The following ARHGAP10 variants were observed in gnomAD, a reference collection of about 807,000 sequenced individuals.
The protein encoded by ARHGAP10 is Rho GTPase activating protein 10, also known as rho GTPase-activating protein 10.
Under a neutral mutation model 108.6 loss-of-function variants are expected in ARHGAP10, and 87 were observed. The observed-to-expected ratio is 0.80, with a 90% confidence interval of 0.67 to 0.96. The LOEUF is 0.96. Among genes scored for constraint, ARHGAP10 ranks in the 40% least tolerant of loss-of-function variants. The pLI, the probability that ARHGAP10 is intolerant of heterozygous loss-of-function variation, is 0.00. For synonymous variants in ARHGAP10, 347 were observed against 341.1 expected, an observed-to-expected ratio of 1.02 and a Z score of -0.19; for missense variants, 939 against 954.5, an observed-to-expected ratio of 0.98 and a Z score of 0.21.
At chr4:147,874,215 CCA>C (rs976407608) in intron 7 of ARHGAP10, among the ~76,000 whole-genome samples, 1 of 152,198 alleles carries the variant, frequency 6.6e-6, no homozygotes, top group African/African-American at 2.4e-5. Flanking sequence ...CTCAGTTCCT[CCA>C]CAGTTTCACA....
At chr4:147,857,496 A>C in intron 4 of ARHGAP10, 57 bp from the exon 5 acceptor site, 1 of 1,362,126 alleles carries the variant, frequency 7.3e-7, no homozygotes, top group East Asian at 2.9e-5. Context: ...TTCCCAGTGG[A>C]TTAACCATGT....
At chr4:147,901,233 C>G (rs1399583752) in intron 10 of ARHGAP10, among the ~76,000 whole-genome samples, 1 of 152,152 alleles carries the variant, frequency 6.6e-6, no homozygotes, top group Admixed American at 6.5e-5. Flanking sequence ...CATGTTCTAG[C>G]AAACGTTTTA....
chr4:147,887,865 A>C (rs1251244256), intron 10 of ARHGAP10, among the ~76,000 whole-genome samples: 1 of 151,736 alleles, frequency 6.6e-6, no homozygotes, highest in Non-Finnish European at 1.5e-5. Flanking sequence ...CCATCTCAAA[A>C]AAAAAAAAAA....
chr4:147,816,689 A>C (rs2126779077), intron 1 of ARHGAP10, among the ~76,000 whole-genome samples: 1 of 152,318 alleles, frequency 6.6e-6, no homozygotes. Flanking sequence ...AAAATGAGTT[A>C]GTTATTTGCT....
chr4:148,029,718 G>A (rs577844937), intron 19 of ARHGAP10, among the ~76,000 whole-genome samples: 1 of 152,238 alleles, frequency 6.6e-6, no homozygotes, highest in East Asian at 1.9e-4. Flanking sequence ...AACTTCCCAA[G>A]CCCAGAAGCC....
intron 13 of ARHGAP10, among the ~76,000 whole-genome samples, chr4:147,924,372 CTT>C (rs1212421875): frequency 6.6e-6 from 1 of 152,072 alleles, no homozygotes; most frequent in African/African-American, 2.4e-5. Flanking sequence ...CTTCTTTTCT[CTT>C]TGTTACCTAT....
At chr4:147,791,003 T>C (rs1731094465) in intron 1 of ARHGAP10, among the ~76,000 whole-genome samples, 1 of 152,180 alleles carries the variant, frequency 6.6e-6, no homozygotes, top group African/African-American at 2.4e-5. Context: ...ACATATGTTT[T>C]TATATGTGTA....
In ARHGAP10 at chr4:147,798,770, TC is replaced by T. The variant is rs1731445464; in HGVS notation, c.155-23956del. Among the ~76,000 whole-genome samples, 2 of 7,822 alleles carry T rather than the reference TC, an allele frequency of 2.6e-4. 1 individual carries two copies. Among genetic ancestry groups the T allele is most frequent in the Admixed American group, 7.6e-3 (2 of 262 alleles). The allele number at this position is 7,822 out of a possible 152,430, so 5.1% of individuals were successfully genotyped here. ...CTCTCTCTCTCTCTCTCTCTCTCTC[TC>T]TCTCTCTCTCTATATATATATATAT... On this transcript the variant is annotated intron_variant, in intron 1 of 22. Transcript: ENST00000336498.
chr4:147,855,158 C>T (rs944682486), intron 4 of ARHGAP10, among the ~76,000 whole-genome samples: 1 of 152,194 alleles, frequency 6.6e-6, no homozygotes, highest in Non-Finnish European at 1.5e-5. Context: ...AGGGGCCTGA[C>T]TTCCATTTGT....
chr4:147,817,913 A>G (rs1055033221), intron 1 of ARHGAP10, among the ~76,000 whole-genome samples: 8 of 152,230 alleles, frequency 5.3e-5, no homozygotes, highest in Non-Finnish European at 1.0e-4. Context: ...TTTAATTGCA[A>G]TTCTGCACTA....
At chr4:148,041,442 A>C (rs964168918) in intron 19 of ARHGAP10, among the ~76,000 whole-genome samples, 1 of 152,252 alleles carries the variant, frequency 6.6e-6, no homozygotes, top group Non-Finnish European at 1.5e-5. Flanking sequence ...TCCTTCCAAC[A>C]ATCCAAAAGC....
chr4:147,875,735 C>T (rs538066682), intron 8 of ARHGAP10, among the ~76,000 whole-genome samples: 19 of 152,310 alleles, frequency 1.2e-4, no homozygotes, highest in African/African-American at 4.1e-4. Context: ...GATATTCCTA[C>T]GTGGCATCCT....
chr4:147,850,466 GC>G (rs1195558498), intron 4 of ARHGAP10, among the ~76,000 whole-genome samples: 4 of 152,178 alleles, frequency 2.6e-5, no homozygotes, highest in Non-Finnish European at 5.9e-5. Context: ...CACTCCTGAA[GC>G]CAGGAGACCA....
chr4:147,792,892 G>A (rs918995228), intron 1 of ARHGAP10, among the ~76,000 whole-genome samples: 13 of 152,312 alleles, frequency 8.5e-5, no homozygotes, highest in African/African-American at 3.1e-4. Flanking sequence ...GCTCACTCCT[G>A]TAATCCCAGC....
chr4:147,895,253 A>G (rs1408431127), intron 10 of ARHGAP10, among the ~76,000 whole-genome samples: 1 of 152,010 alleles, frequency 6.6e-6, no homozygotes, highest in African/African-American at 2.4e-5. Flanking sequence ...CCAACTGGTC[A>G]CTATTAGCAT....
intron 3 of ARHGAP10, among the ~76,000 whole-genome samples, chr4:147,846,026 T>C (rs988206796): frequency 1.3e-5 from 2 of 152,188 alleles, no homozygotes; most frequent in African/African-American, 2.4e-5. Context: ...CTTAATTCTT[T>C]CTTTTAGAGC....
At chr4:147,796,689 CTA>C (rs1326432854) in intron 1 of ARHGAP10, among the ~76,000 whole-genome samples, 1 of 152,032 alleles carries the variant, frequency 6.6e-6, no homozygotes, top group Non-Finnish European at 1.5e-5. Flanking sequence ...CCATGCCCGG[CTA>C]ATTTTTTGTA....
intron 10 of ARHGAP10, among the ~76,000 whole-genome samples, chr4:147,884,230 T>G (rs2126875932): frequency 6.6e-6 from 1 of 152,286 alleles, no homozygotes; most frequent in Admixed American, 6.5e-5. Context: ...TCTTTTCTTT[T>G]TTTGTCAGCC....
Position 147,875,049 on chromosome 4 carries a change from C to A in ARHGAP10, c.731C>A (p.Ser244Ter). Residue 244 changes from serine (S) to a stop codon, truncating the protein, a stop_gained, in exon 8 of 23, where the codon TCA (serine) becomes TAA (stop). Coordinates refer to ENST00000336498, the MANE Select transcript of ARHGAP10 (RefSeq NM_024605.4). LOFTEE classifies it high-confidence loss of function. ...CGGAATCGATTTGAAGGAACAAGGT[C>A]AGAAGTGGAAGAGCTCATGAACAAA... is the stretch of plus-strand genomic sequence containing the variant. ...NTRNRFEGTR[S>*]EVEELMNKIR... 1 of 1,604,706 alleles carries A rather than the reference C, an allele frequency of 6.2e-7. No homozygotes were observed. Among genetic ancestry groups the A allele is most frequent in the South Asian group, 1.1e-5 (1 of 88,498 alleles).
Sources: allele counts gnomAD v4.1 joint callset (sites outside exome capture counted in the v4.1 genomes callset), GRCh38; gene constraint gnomAD v4.1.1; transcripts MANE v1.5; gene names NCBI Gene and HGNC (gene_info 2026-07-23, HGNC 2026-07-21).